The following DCLK1 variants were observed in gnomAD, a reference collection of about 807,000 sequenced individuals.
DCLK1 encodes the protein doublecortin like kinase 1.
Under a neutral mutation model 86.2 loss-of-function variants are expected in DCLK1, and 16 were observed. The ratio of observed to expected loss-of-function variants is 0.19; its 90% CI spans 0.13 to 0.28. The LOEUF (loss-of-function observed/expected upper bound fraction) is 0.28. Among genes scored for constraint, DCLK1 ranks in the 10% least tolerant of loss-of-function variants. DCLK1 has a pLI of 1.00. For missense variants in DCLK1, 590 were observed against 940.2 expected (o/e 0.63, Z 4.87); for synonymous variants, 369 against 370.5 (o/e 1.00, Z 0.05).
intron 4 of DCLK1, among the ~76,000 whole-genome samples, chr13:35,941,994 A>G (rs1593753558): frequency 6.6e-6 from 1 of 151,524 alleles, no homozygotes; most frequent in East Asian, 2.0e-4. Flanking sequence ...TTTTCTTTCT[A>G]TCTTTCTTTC....
chr13:36,108,763 T>C (rs943739424), intron 3 of DCLK1, among the ~76,000 whole-genome samples: 1 of 152,212 alleles, frequency 6.6e-6, no homozygotes, highest in African/African-American at 2.4e-5. Context: ...GGAATTCCCA[T>C]ATTGTTTATG....
intron 11 of DCLK1, among the ~76,000 whole-genome samples, chr13:35,817,436 A>C (rs1329925937): frequency 6.6e-6 from 1 of 152,206 alleles, no homozygotes; most frequent in Non-Finnish European, 1.5e-5. Flanking sequence ...ACTCACAATG[A>C]CTACAAGCTA....
intron 3 of DCLK1, among the ~76,000 whole-genome samples, chr13:36,024,452 A>C (rs1201340332): frequency 6.6e-6 from 1 of 152,200 alleles, no homozygotes; most frequent in Non-Finnish European, 1.5e-5. Context: ...AGAAATCTAA[A>C]AATAAATTTA....
At chr13:35,958,130 T>TACTGTAACCACCACCACCATCACC (rs1566620583) in intron 3 of DCLK1, among the ~76,000 whole-genome samples, 1 of 15,798 alleles carries the variant, frequency 6.3e-5, no homozygotes, top group Non-Finnish European at 1.2e-4. Flanking sequence ...CCACTACCAC[T>TACTGTAACCACCACCACCATCACC]ACTATAACCA....
chr13:35,826,486 G>A (rs1868442483), intron 10 of DCLK1, among the ~76,000 whole-genome samples: 1 of 138,844 alleles, frequency 7.2e-6, no homozygotes, highest in Non-Finnish European at 1.5e-5. Context: ...TCGTGCCATT[G>A]CATTCCAGCC....
At chr13:35,978,203 C>CTTTTTTTTTTTTTTTTTTTTT (rs11311688) in intron 3 of DCLK1, among the ~76,000 whole-genome samples, 7 of 82,756 alleles carry the variant, frequency 8.5e-5, no homozygotes, top group African/African-American at 9.8e-5. Flanking sequence ...CTTTTCTTTT[C>CTTTTTTTTTTTTTTTTTTTTT]TTTTTTTTTT....
chr13:35,887,814 C>T (rs1473884927), intron 4 of DCLK1, among the ~76,000 whole-genome samples: 1 of 125,398 alleles, frequency 8.0e-6, no homozygotes, highest in Non-Finnish European at 1.6e-5. Flanking sequence ...ACTCAGGAGA[C>T]TGAGGTGGGA....
At chr13:36,118,264 A>G (rs1885861588) in intron 2 of DCLK1, among the ~76,000 whole-genome samples, 1 of 152,114 alleles carries the variant, frequency 6.6e-6, no homozygotes, top group South Asian at 2.1e-4. Context: ...TATCACCTAG[A>G]AAGTCATCAC....
chr13:36,001,758 T>C (rs1593806259), intron 3 of DCLK1, among the ~76,000 whole-genome samples: 1 of 152,086 alleles, frequency 6.6e-6, no homozygotes, highest in East Asian at 1.9e-4. Context: ...TTTAGTTAAG[T>C]TTTTATTTGG....
chr13:36,059,936 A>G (rs1163594594), intron 3 of DCLK1, among the ~76,000 whole-genome samples: 1 of 150,608 alleles, frequency 6.6e-6, no homozygotes, highest in Non-Finnish European at 1.5e-5. Flanking sequence ...CAGTGGTGCA[A>G]TCTCAGCTCA....
At chr13:35,927,819 CCAAT>C (rs749988572) in intron 4 of DCLK1, among the ~76,000 whole-genome samples, 7 of 152,156 alleles carry the variant, frequency 4.6e-5, no homozygotes, top group Non-Finnish European at 1.0e-4. Flanking sequence ...AGACTCAGTT[CCAAT>C]CACAGGGCCT....
intron 3 of DCLK1, among the ~76,000 whole-genome samples, chr13:36,038,938 C>G (rs529534283): frequency 2.6e-4 from 40 of 152,126 alleles, no homozygotes; most frequent in African/African-American, 6.7e-4. Context: ...GAATGTAATC[C>G]CCTGTGTGTA....
intron 16 of DCLK1, among the ~76,000 whole-genome samples, chr13:35,781,129 C>T (rs2086517427): frequency 6.6e-6 from 1 of 152,108 alleles, no homozygotes; most frequent in South Asian, 2.1e-4. Flanking sequence ...GGAGGAAGGT[C>T]AGGAATAATC....
At chr13:35,854,414 C>T (rs1010995618) in intron 6 of DCLK1, 85 bp downstream of exon 6, 18 of 1,096,120 alleles carry the variant, frequency 1.6e-5, no homozygotes, top group African/African-American at 9.6e-5. Flanking sequence ...CGCCTAGAGA[C>T]GAGCAGCACG....
chr13:35,973,663 A>G (rs1178058332), intron 3 of DCLK1, among the ~76,000 whole-genome samples: 5 of 152,230 alleles, frequency 3.3e-5, no homozygotes, highest in Non-Finnish European at 5.9e-5. Context: ...AGAGAACAGA[A>G]TGTAGGCTTT....
chr13:35,938,583 C>T (rs1274039924), intron 4 of DCLK1, among the ~76,000 whole-genome samples: 14 of 151,748 alleles, frequency 9.2e-5, no homozygotes, highest in Admixed American at 8.5e-4. Context: ...GAGCCAAGAT[C>T]GCGCCACTGC....
chr13:36,122,731 C>G (rs1886039173), intron 2 of DCLK1, among the ~76,000 whole-genome samples: 1 of 152,040 alleles, frequency 6.6e-6, no homozygotes, highest in Non-Finnish European at 1.5e-5. Flanking sequence ...ATATTAAGGC[C>G]ATTTTGAAAG....
intron 3 of DCLK1, among the ~76,000 whole-genome samples, chr13:36,087,334 G>A (rs998452387): frequency 6.6e-6 from 1 of 152,162 alleles, no homozygotes; most frequent in Non-Finnish European, 1.5e-5. Context: ...TGTCTACACA[G>A]GTGGACTGCA....
chr13:35,949,075 CA>C (rs764923446), intron 3 of DCLK1, among the ~76,000 whole-genome samples: 51 of 152,276 alleles, frequency 3.3e-4, no homozygotes, highest in Non-Finnish European at 6.6e-4. Flanking sequence ...TACCACGCTC[CA>C]ATCAGCATCT....
Sources: allele counts gnomAD v4.1 joint callset (sites outside exome capture counted in the v4.1 genomes callset), GRCh38; gene constraint gnomAD v4.1.1; transcripts MANE v1.5; gene names NCBI Gene and HGNC (gene_info 2026-07-23, HGNC 2026-07-21).